Variants in CDRT4 observed in about 807,000 individuals in gnomAD.
CDRT4 encodes CMT1A duplicated region transcript 4 protein.
For missense variants in CDRT4, 167 were observed against 193.1 expected (o/e 0.87, Z 0.80); for synonymous variants, 64 against 69.6 (o/e 0.92, Z 0.40).
chr17:15,440,222 A>G lies in CDRT4; in HGVS notation c.17T>C (p.Met6Thr). The change falls in exon 3 of 4, where the codon ATG (methionine) becomes ACG (threonine). Residue 6 changes from methionine to threonine, a missense_variant. Physicochemically the swap from Met to Thr is moderately conservative, Grantham distance 81 (BLOSUM62 -1). Transcript: ENST00000619038. ...CCCAACCCTACCTTCTTCTTTCTTC[A>G]TCCTTCTTGCATCCATCTTCTTTTT... MDARRMKKEEGLTENT... is the reference protein window; with the variant it reads MDARRTKKEEGLTENT... The G allele has an allele frequency of 6.2e-7, 1 of 1,613,626 alleles. No individual in the cohort carries two copies. The highest frequency in any genetic ancestry group is 8.5e-7 in the Non-Finnish European group (1 of 1,179,964).
intron 2 of CDRT4, among the ~76,000 whole-genome samples, chr17:15,443,446 A>T (rs1317259672): frequency 1.6e-5 from 2 of 125,394 alleles, no homozygotes; most frequent in South Asian, 2.8e-4. Flanking sequence ...TAGCTGGATA[A>T]TTTTTTTTTT....
At position 15,456,853 on chromosome 17, in the gene CDRT4, CAA is replaced by C. The variant is rs138854395; in HGVS notation, c.-129-3770_-129-3769del. ...CAGAAACTATTGTGCATGGTGGACC[CAA>C]AGAGTGCCTTTAATTTGGAATCGAT... is the stretch of plus-strand genomic sequence containing the variant. On this transcript the variant is annotated intron_variant, in intron 1 of 3. Coordinates refer to ENST00000619038, the MANE Select transcript of CDRT4 (RefSeq NM_001204477.2). Among the ~76,000 whole-genome samples, 1,102 of 152,222 alleles carry C rather than the reference CAA, an allele frequency of 7.2e-3. 11 individuals are homozygous for C. Among genetic ancestry groups the C allele is most frequent in the African/African-American group, 0.025 (1,058 of 41,512 alleles).
At chr17:15,443,932 T>C (rs1978896550) in intron 2 of CDRT4, 1 of 662,270 alleles carries the variant, frequency 1.5e-6, no homozygotes, top group Admixed American at 1.8e-5. Context: ...CCCATCAATG[T>C]TGTTATCCAG....
chr17:15,451,146 G>A (rs973167927), intron 2 of CDRT4, among the ~76,000 whole-genome samples: 10 of 152,100 alleles, frequency 6.6e-5, no homozygotes, highest in Non-Finnish European at 1.0e-4. Flanking sequence ...GGTTTTTCCC[G>A]TGCTGTTCTT....
chr17:15,437,042 G>A lies in CDRT4; in HGVS notation c.*731C>T, dbSNP rs1978523586. On this transcript the variant is annotated 3_prime_UTR_variant, in exon 4 of 4. Coordinates refer to ENST00000619038, the MANE Select transcript of CDRT4 (RefSeq NM_001204477.2). ...CAGACAGGTTGCTAACCCTAGCAGTGCTTTTTCTTCACCCAGGCAGTGGCA... is the reference window on the plus strand; with the variant it reads ...CAGACAGGTTGCTAACCCTAGCAGTACTTTTTCTTCACCCAGGCAGTGGCA... 1 of 152,266 alleles carries A rather than the reference G, an allele frequency of 6.6e-6. No homozygotes were observed. The highest frequency in any genetic ancestry group is 6.5e-5 in the Admixed American group (1 of 15,276). 9.4% of individuals were successfully genotyped at this position (152,266 alleles called of 1,614,324 possible). A position where few individuals can be genotyped will look rare whatever the true frequency, so the allele number is the denominator to read the frequency against.
chr17:15,441,514 G>C (rs1250992967), intron 2 of CDRT4, among the ~76,000 whole-genome samples: 1 of 151,978 alleles, frequency 6.6e-6, no homozygotes, highest in African/African-American at 2.4e-5. Context: ...CGTACGTGAG[G>C]GCTGACTCAT....
intron 1 of CDRT4, among the ~76,000 whole-genome samples, chr17:15,461,412 A>G (rs1224668831): frequency 6.6e-6 from 1 of 152,196 alleles, no homozygotes; most frequent in Non-Finnish European, 1.5e-5. Context: ...TGCTGGGAAG[A>G]CTTCCTGGGG....
Position 15,450,335 on chromosome 17 carries a change from C to T in CDRT4, c.-48+2669G>A, listed in dbSNP as rs1979205509. On this transcript the variant is annotated intron_variant, in intron 2 of 3. Transcript: ENST00000619038. This position sits in a 1 kb window ranked among gnomAD's most constrained non-coding sequence, Gnocchi z 4.2. ...CACCATAAGCTCCCCTGCACTATGC[C>T]TTCCTTCCCACTACTATGAATGAGG... 6.6e-6 allele frequency among the ~76,000 whole-genome samples: 1 copy of T among 152,182 alleles called. No homozygotes were observed. Among genetic ancestry groups the T allele is most frequent in the African/African-American group, 2.4e-5 (1 of 41,434 alleles).
intron 2 of CDRT4, chr17:15,452,491 G>C (rs57660014): frequency 6.6e-6 from 1 of 152,228 alleles, no homozygotes; most frequent in Non-Finnish European, 1.5e-5. Context: ...CTTTCCCTTC[G>C]AAACTCCATT....
At chr17:15,440,340 T>G (rs994323754) in intron 2 of CDRT4, 55 bp from the exon 3 acceptor site, 1 of 1,587,498 alleles carries the variant, frequency 6.3e-7, no homozygotes, top group African/African-American at 1.3e-5. Flanking sequence ...AAGCAATTAG[T>G]AGCCACCCTG....
chr17:15,458,436 C>T (rs530784739), intron 1 of CDRT4, among the ~76,000 whole-genome samples: 21 of 152,136 alleles, frequency 1.4e-4, no homozygotes, highest in East Asian at 9.7e-4. Context: ...ACATTAGGAA[C>T]GTTCAAGGAG....
intron 2 of CDRT4, among the ~76,000 whole-genome samples, chr17:15,451,911 C>T (rs1209911782): frequency 6.6e-6 from 1 of 152,232 alleles, no homozygotes; most frequent in East Asian, 1.9e-4. Context: ...ATGATCTCAT[C>T]CATCACATTC....
intron 2 of CDRT4, among the ~76,000 whole-genome samples, chr17:15,442,374 C>T (rs2150786185): frequency 6.6e-6 from 1 of 150,822 alleles, no homozygotes. Flanking sequence ...CGTGCCACTG[C>T]ACTCCAGCCT....
intron 1 of CDRT4, among the ~76,000 whole-genome samples, chr17:15,453,589 G>C (rs1469806015): frequency 6.6e-6 from 1 of 152,130 alleles, no homozygotes; most frequent in African/African-American, 2.4e-5. Flanking sequence ...GTGCAGCATT[G>C]CAGAAAAACC....
intron 2 of CDRT4, among the ~76,000 whole-genome samples, chr17:15,444,789 T>G (rs1244544610): frequency 1.3e-5 from 2 of 148,918 alleles, no homozygotes; most frequent in African/African-American, 5.0e-5. Context: ...CTAAGACACA[T>G]GCTTTCACTC....
At chr17:15,442,364 C>T (rs376017204) in intron 2 of CDRT4, among the ~76,000 whole-genome samples, 1 of 150,690 alleles carries the variant, frequency 6.6e-6, no homozygotes, top group Non-Finnish European at 1.5e-5. Context: ...GAACCGGGAT[C>T]GTGCCACTGC....
chr17:15,449,246 T>C (rs1979161067), intron 2 of CDRT4, among the ~76,000 whole-genome samples: 1 of 152,196 alleles, frequency 6.6e-6, no homozygotes, highest in Non-Finnish European at 1.5e-5. Context: ...ACACGCTAAG[T>C]GTATTACCTA....
intron 2 of CDRT4, among the ~76,000 whole-genome samples, chr17:15,444,538 ATAT>A (rs1302283871): frequency 1.3e-5 from 2 of 152,152 alleles, no homozygotes. Flanking sequence ...GATTTATAAA[ATAT>A]TATTATTAAC....
intron 2 of CDRT4, among the ~76,000 whole-genome samples, chr17:15,444,746 G>GAGAGAGAGAGAGAGAGAGAGAGAGAGA (rs1978941589): frequency 6.7e-6 from 1 of 149,518 alleles, no homozygotes; most frequent in South Asian, 2.1e-4. Flanking sequence ...GAGAGAGAGA[G>GAGAGAGAGAGAGAGAGAGAGAGAGAGA]GTCCAGAAGA....
Sources: allele counts gnomAD v4.1 joint callset (sites outside exome capture counted in the v4.1 genomes callset), GRCh38; gene constraint gnomAD v4.1.1; non-coding constraint Gnocchi (gnomAD v3.1); transcripts MANE v1.5; gene names NCBI Gene and HGNC (gene_info 2026-07-23, HGNC 2026-07-21).